The following PKN2 variants were observed in gnomAD, a reference collection of about 807,000 sequenced individuals.
PKN2 encodes protein kinase N2, also known as serine/threonine-protein kinase N2.
In PKN2, 38 loss-of-function variants were observed where a neutral mutation model predicts 119.1. The observed-to-expected ratio is 0.32, with a 90% CI of 0.25 to 0.42. The LOEUF is 0.42. Among genes scored for constraint, PKN2 ranks in the 10% least tolerant of loss-of-function variants. PKN2 has a pLI of 1.00. For missense variants in PKN2, 850 were observed against 1,165.1 expected, an observed-to-expected ratio of 0.73 and a Z score of 3.94; for synonymous variants, 390 against 384.9, an observed-to-expected ratio of 1.01 and a Z score of -0.15.
Position 88,828,470 on chromosome 1 carries a change from A to G in PKN2, c.2420-11A>G. 2 of 1,577,416 alleles carry G rather than the reference A, an allele frequency of 1.3e-6. No individual in the cohort carries two copies. The highest frequency in any genetic ancestry group is 1.7e-6 in the Non-Finnish European group (2 of 1,154,982). ...CTTTGCTAACAAATGTTTACATTTT[A>G]TCTTTTCCAGGAATGGGATATGGAG... On this transcript the variant is annotated splice_polypyrimidine_tract_variant and intron_variant, in intron 18 of 21. Transcript: ENST00000370521.
chr1:88,811,108 C>G (rs550440320), intron 15 of PKN2, among the ~76,000 whole-genome samples: 111 of 152,138 alleles, frequency 7.3e-4, no homozygotes, highest in Non-Finnish European at 6.5e-4. Flanking sequence ...TGTGTACCTA[C>G]CATTAGTAAA....
chr1:88,806,918 A>G (rs1397887860), intron 12 of PKN2, among the ~76,000 whole-genome samples: 1 of 151,888 alleles, frequency 6.6e-6, no homozygotes, highest in East Asian at 1.9e-4. Flanking sequence ...GGGTTTCTCC[A>G]TGTTGGTCAG....
chr1:88,697,764 G>C (rs1666601265), intron 1 of PKN2, among the ~76,000 whole-genome samples: 1 of 152,072 alleles, frequency 6.6e-6, no homozygotes, highest in African/African-American at 2.4e-5. Flanking sequence ...ACTATGATTA[G>C]TGATTTTTCC....
At chr1:88,703,201 A>G (rs1035039239) in intron 1 of PKN2, among the ~76,000 whole-genome samples, 1 of 152,078 alleles carries the variant, frequency 6.6e-6, no homozygotes, top group Non-Finnish European at 1.5e-5. Context: ...GAGCAACCAA[A>G]GTTTTTTTTT....
chr1:88,824,273 T>C lies in PKN2; in HGVS notation c.2343-37T>C, dbSNP rs768129157. 1.3e-5 allele frequency: 13 copies of C among 1,035,676 alleles called. 1 individual carries two copies. The South Asian group carries it at 1.9e-4, about 15-fold the overall frequency. 64.2% of individuals were successfully genotyped at this position (1,035,676 alleles called of 1,614,324 possible). The stretch of plus-strand genomic sequence containing the variant: ...TGTATAACCTACTGATTTCTTTGAT[T>C]TTTTTTTTTCATGCTGTATCTTTTT... On this transcript the variant is annotated intron_variant, in intron 17 of 21. Transcript: ENST00000370521.
chr1:88,830,461 A>AT (rs753298980), intron 19 of PKN2, among the ~76,000 whole-genome samples: 17 of 152,082 alleles, frequency 1.1e-4, no homozygotes, highest in Admixed American at 1.0e-3. Flanking sequence ...CCCTTCCTTT[A>AT]TTTTAACAGT....
At chr1:88,739,311 G>GAA (rs5776000) in intron 1 of PKN2, among the ~76,000 whole-genome samples, 15 of 150,258 alleles carry the variant, frequency 1.0e-4, no homozygotes, top group South Asian at 2.1e-4. Context: ...ATCTCTACCA[G>GAA]AAAAAAAAAG....
intron 15 of PKN2, among the ~76,000 whole-genome samples, chr1:88,812,882 A>G (rs1006941723): frequency 1.3e-5 from 2 of 152,238 alleles, no homozygotes; most frequent in Non-Finnish European, 2.9e-5. Context: ...CAGATGTTTT[A>G]GAATACATCT....
At chr1:88,798,430 A>AAT (rs1167513216) in intron 8 of PKN2, among the ~76,000 whole-genome samples, 2 of 152,126 alleles carry the variant, frequency 1.3e-5, no homozygotes, top group Non-Finnish European at 2.9e-5. Flanking sequence ...TGCTTCAAAT[A>AAT]ATTATGGGGG....
chr1:88,765,145 T>C (rs1430243690), intron 3 of PKN2, among the ~76,000 whole-genome samples: 1 of 152,026 alleles, frequency 6.6e-6, no homozygotes, highest in Non-Finnish European at 1.5e-5. Context: ...GCCAGGCTGG[T>C]CTTGAGCTCC....
chr1:88,762,305 A>C (rs1009878538), intron 3 of PKN2, among the ~76,000 whole-genome samples: 1 of 152,230 alleles, frequency 6.6e-6, no homozygotes, highest in Non-Finnish European at 1.5e-5. Context: ...TCAATTTTGC[A>C]TAGCTTTTTA....
chr1:88,735,605 C>CCA (rs1668310855), intron 1 of PKN2, among the ~76,000 whole-genome samples: 7 of 5,032 alleles, frequency 1.4e-3, no homozygotes, highest in Non-Finnish European at 2.1e-3. Context: ...ACAGCCCACC[C>CCA]CCCCCCCCCC....
chr1:88,773,107 T>C (rs1278767673), intron 6 of PKN2, among the ~76,000 whole-genome samples: 1 of 152,220 alleles, frequency 6.6e-6, no homozygotes, highest in Admixed American at 6.5e-5. Flanking sequence ...TAAAATCTGT[T>C]TTGTCTGATT....
intron 1 of PKN2, among the ~76,000 whole-genome samples, chr1:88,710,602 A>T (rs996292512): frequency 6.6e-6 from 1 of 152,252 alleles, no homozygotes; most frequent in African/African-American, 2.4e-5. Flanking sequence ...CCACAGTGAG[A>T]TACCATCTAA....
intron 16 of PKN2, among the ~76,000 whole-genome samples, chr1:88,816,058 T>G (rs899579747): frequency 6.6e-6 from 1 of 151,800 alleles, no homozygotes; most frequent in African/African-American, 2.4e-5. Flanking sequence ...GAGAACCACT[T>G]GAACCCCAGA....
At chr1:88,827,534 A>G (rs1015970534) in intron 18 of PKN2, among the ~76,000 whole-genome samples, 13 of 151,836 alleles carry the variant, frequency 8.6e-5, no homozygotes, top group African/African-American at 2.9e-4. Context: ...TTGGTGCCCA[A>G]AAAGTTTCAG....
rs189678506 is a variant in PKN2 at position 88,789,477 on chromosome 1, A to C, written c.1281+3264A>C. ...CAGGAGTTCAAGACCATCCTGACCA[A>C]CATAGTGAAACCCTATCTCTATTAA... On this transcript the variant is annotated intron_variant, in intron 8 of 21. Transcript: ENST00000370521. Among the ~76,000 whole-genome samples the C allele has an allele frequency of 2.0e-5, 3 of 152,180 alleles. No individual in the cohort carries two copies. In the East Asian group the frequency reaches 5.8e-4, roughly 29 times the overall value.
rs113932785 is a variant in PKN2 at position 88,694,692 on chromosome 1, C to T, written c.48+10064C>T. 6.3e-3 allele frequency among the ~76,000 whole-genome samples: 953 copies of T among 152,288 alleles called. 11 individuals carry two copies. Among genetic ancestry groups the T allele is most frequent in the Non-Finnish European group, 9.4e-3 (641 of 68,032 alleles). On this transcript the variant is annotated intron_variant, in intron 1 of 21. Transcript: ENST00000370521. ...TTGTAAGAAACTCCCAAACTGCCCT[C>T]CAGAGTGCCCGAACTATTTTGTATT... is the stretch of plus-strand genomic sequence containing the variant.
chr1:88,823,023 C>T (rs572272025), intron 17 of PKN2, among the ~76,000 whole-genome samples: 8 of 152,016 alleles, frequency 5.3e-5, no homozygotes, highest in South Asian at 2.1e-4. Context: ...GTTTGAGACC[C>T]GCCTGGGCAA....
Sources: gnomAD v4.1 joint callset for allele counts (sites outside exome capture counted in the v4.1 genomes callset) on GRCh38, gnomAD v4.1.1 for gene constraint, MANE v1.5 for transcripts, NCBI Gene and HGNC (gene_info 2026-07-23, HGNC 2026-07-21) for gene names.